ITGAM: variants seen among roughly 807,000 people sequenced by gnomAD.
ITGAM encodes integrin subunit alpha M, also known as integrin alpha-M.
In ITGAM, 79 loss-of-function variants were observed where a neutral mutation model predicts 137.5. The observed-to-expected ratio is 0.57, with a 90% CI of 0.48 to 0.69. The LOEUF (loss-of-function observed/expected upper bound fraction) is 0.69. Ranked by LOEUF, ITGAM falls within the 30% of genes least tolerant of loss-of-function variation. The pLI is 0.00. For missense variants in ITGAM, 1,343 were observed against 1,483.5 expected, an observed-to-expected ratio of 0.91 and a Z score of 1.56; for synonymous variants, 583 against 592.3, an observed-to-expected ratio of 0.98 and a Z score of 0.23.
intron 12 of ITGAM, among the ~76,000 whole-genome samples, chr16:31,284,236 C>G (rs1235141166): frequency 6.6e-6 from 1 of 152,184 alleles, no homozygotes; most frequent in Non-Finnish European, 1.5e-5. Flanking sequence ...CTGGGAGAAC[C>G]ATTACTCTCT....
At position 31,326,938 on chromosome 16, in the gene ITGAM, G is replaced by A. The variant is rs756301112; in HGVS notation, c.2708+3G>A. 6 of 1,608,872 alleles carry A rather than the reference G, an allele frequency of 3.7e-6. No homozygotes were observed. In the South Asian group the frequency reaches 6.6e-5, roughly 18 times the overall value. ...CTCCTCAAGGCCAATGTGACCAGGTGCTCTCTGCTACCAGGCTTCTGCAGG... is the reference window on the plus strand; with the variant it reads ...CTCCTCAAGGCCAATGTGACCAGGTACTCTCTGCTACCAGGCTTCTGCAGG... On this transcript the variant is annotated splice_donor_region_variant and intron_variant, in intron 22 of 29. Coordinates refer to ENST00000544665, the MANE Select transcript of ITGAM (RefSeq NM_000632.4).
At chr16:31,328,314 ATG>A (rs377321047) in intron 23 of ITGAM, 84 bp downstream of exon 23, 784 of 1,012,084 alleles carry the variant, frequency 7.7e-4, no homozygotes, top group South Asian at 1.2e-3. Context: ...GAGTCTGTGC[ATG>A]TGTGTGTGTG....
Position 31,266,155 on chromosome 16 carries a change from GC to G in ITGAM, c.427+10del. On this transcript the variant is annotated intron_variant, in intron 5 of 29. Transcript: ENST00000544665. ...TCCCAGAGGCCCTCCGAGGTGGGTT[GC>G]CTTTGGCAGAGGGAACAGATGCGCA... 1 of 1,595,926 alleles carries G rather than the reference GC, an allele frequency of 6.3e-7. No individual in the cohort carries two copies. Among genetic ancestry groups the G allele is most frequent in the Non-Finnish European group, 8.6e-7 (1 of 1,164,164 alleles).
chr16:31,262,832 AG>A (rs2079720715), intron 2 of ITGAM, among the ~76,000 whole-genome samples: 2 of 152,226 alleles, frequency 1.3e-5, no homozygotes, highest in African/African-American at 2.4e-5. Flanking sequence ...TTCCAGAAGA[AG>A]GGGGCTGGTC....
intron 14 of ITGAM, among the ~76,000 whole-genome samples, chr16:31,304,911 C>G (rs2080250652): frequency 6.6e-6 from 1 of 151,788 alleles, no homozygotes; most frequent in African/African-American, 2.4e-5. Flanking sequence ...CAGATTTGTT[C>G]TTTTTGCTTA....
intron 5 of ITGAM, among the ~76,000 whole-genome samples, chr16:31,268,485 G>A (rs1431219975): frequency 6.6e-6 from 1 of 152,042 alleles, no homozygotes; most frequent in Non-Finnish European, 1.5e-5. Flanking sequence ...AACATAATGA[G>A]ACCCCATCTC....
chr16:31,309,531 T>C (rs908208277), intron 14 of ITGAM, among the ~76,000 whole-genome samples: 12 of 151,356 alleles, frequency 7.9e-5, no homozygotes, highest in Non-Finnish European at 4.4e-5. Context: ...CCCTTTATTT[T>C]GAGCCTATGT....
chr16:31,305,574 T>C (rs183228025), intron 14 of ITGAM, among the ~76,000 whole-genome samples: 1 of 152,324 alleles, frequency 6.6e-6, no homozygotes, highest in Admixed American at 6.5e-5. Flanking sequence ...CCCCCTTCAA[T>C]ATGAAGTTGG....
Position 31,276,577 on chromosome 16 carries a change from C to T in ITGAM, c.1010-94C>T, listed in dbSNP as rs1371624341. On this transcript the variant is annotated intron_variant, in intron 9 of 29. Transcript: ENST00000544665. ...TAACTCCTGACCTCAAGTGATCTGCCCATCTCAGGCTCTCAAAATGTTGGG... is the reference window on the plus strand; with the variant it reads ...TAACTCCTGACCTCAAGTGATCTGCTCATCTCAGGCTCTCAAAATGTTGGG... The T allele has an allele frequency of 7.3e-6, 6 of 823,434 alleles. No homozygotes were observed. In the East Asian group the frequency reaches 1.3e-4, roughly 18 times the overall value. The allele number at this position is 823,434 out of a possible 1,614,324, so 51.0% of individuals were successfully genotyped here. A position where few individuals can be genotyped will look rare whatever the true frequency, so the allele number is the denominator to read the frequency against.
In ITGAM at chr16:31,260,196, G is replaced by A. The variant is rs969252016; in HGVS notation, c.28+104G>A. On this transcript the variant is annotated intron_variant, in intron 1 of 29. Coordinates refer to ENST00000544665, the MANE Select transcript of ITGAM (RefSeq NM_000632.4). ...TATGTAGGAGTCAGTCTGGGGAGAGGCAAAGGGGATTTGGGGAAGGAGAAA... is the reference window on the plus strand; with the variant it reads ...TATGTAGGAGTCAGTCTGGGGAGAGACAAAGGGGATTTGGGGAAGGAGAAA... 4 of 803,902 alleles carry A rather than the reference G, an allele frequency of 5.0e-6. No individual in the cohort carries two copies. In the South Asian group the frequency reaches 5.3e-5, roughly 11 times the overall value. 49.8% of individuals were successfully genotyped at this position (803,902 alleles called of 1,614,324 possible).
intron 14 of ITGAM, among the ~76,000 whole-genome samples, chr16:31,299,127 C>T (rs367609258): frequency 6.6e-6 from 1 of 152,274 alleles, no homozygotes; most frequent in East Asian, 1.9e-4. Flanking sequence ...GACCTATCCT[C>T]TTAACAGATT....
At position 31,325,355 on chromosome 16, in the gene ITGAM, C is replaced by A. The variant is rs1597038885; in HGVS notation, c.2456C>A (p.Thr819Asn). 6.2e-7 allele frequency: 1 copy of A among 1,613,948 alleles called. No homozygotes were observed. Among genetic ancestry groups the A allele is most frequent in the East Asian group, 2.2e-5 (1 of 44,892 alleles). ...DGEDSYRTQVTFFFPLDLSYR... is the reference protein window; with the variant it reads ...DGEDSYRTQVNFFFPLDLSYR... Reference sequence around the variant, plus strand: ...GAGGACTCCTACAGGACACAGGTCACCTTCTTCTTCCCGCTTGACCTGTCC... The same window carrying A: ...GAGGACTCCTACAGGACACAGGTCAACTTCTTCTTCCCGCTTGACCTGTCC... The change falls in exon 20 of 30, where the codon ACC becomes AAC. Residue 819 changes from threonine (T) to asparagine (N), a missense_variant. By Grantham distance (65) the Thr-to-Asn change is moderately conservative. Transcript: ENST00000544665.
At chr16:31,310,582 A>G (rs991008733) in intron 14 of ITGAM, among the ~76,000 whole-genome samples, 10 of 152,074 alleles carry the variant, frequency 6.6e-5, no homozygotes, top group African/African-American at 2.2e-4. Context: ...TGATTATTCT[A>G]GTTATCCATT....
chr16:31,319,896 T>C (rs1235856116), intron 14 of ITGAM, among the ~76,000 whole-genome samples: 1 of 151,976 alleles, frequency 6.6e-6, no homozygotes, highest in Non-Finnish European at 1.5e-5. Flanking sequence ...CACTGCAAGC[T>C]CCGCCTCCCG....
chr16:31,265,987 C>A, intron 4 of ITGAM, 43 bp from the exon 5 acceptor site: 1 of 1,596,566 alleles, frequency 6.3e-7, no homozygotes, highest in South Asian at 1.1e-5. Flanking sequence ...GGTACAAGGA[C>A]AGGAAGCAGG....
chr16:31,273,653 TA>T lies in ITGAM; in HGVS notation c.858+136del, dbSNP rs1483341643. On this transcript the variant is annotated intron_variant, in intron 8 of 29. Transcript: ENST00000544665. Reference sequence around the variant, plus strand: ...GCTAGCTCATATACACCGTATCAGCTATCTGTTGCCACATCAATGCTGTGTA... The same window carrying T: ...GCTAGCTCATATACACCGTATCAGCTTCTGTTGCCACATCAATGCTGTGTA... 5 of 805,640 alleles carry T rather than the reference TA, an allele frequency of 6.2e-6. No individual in the cohort carries two copies. The African/African-American group carries it at 8.6e-5, about 14-fold the overall frequency. The allele number at this position is 805,640 out of a possible 1,614,324, so 49.9% of individuals were successfully genotyped here.
At position 31,331,717 on chromosome 16, in the gene ITGAM, C is replaced by T. The variant is rs2080586862; in HGVS notation, c.*10C>T. Reference sequence around the variant, plus strand: ...GGCCGAACCCCAGTAGCGGCTCCTTCCCGACAGAGCTGCCTCTCGGTGGCC... The same window carrying T: ...GGCCGAACCCCAGTAGCGGCTCCTTTCCGACAGAGCTGCCTCTCGGTGGCC... On this transcript the variant is annotated 3_prime_UTR_variant, in exon 30 of 30. Coordinates refer to ENST00000544665, the MANE Select transcript of ITGAM (RefSeq NM_000632.4). The T allele has an allele frequency of 6.3e-7, 1 of 1,586,708 alleles. No homozygotes were observed. Among genetic ancestry groups the T allele is most frequent in the African/African-American group, 1.3e-5 (1 of 74,370 alleles).
rs538515225 is a variant in ITGAM at position 31,324,491 on chromosome 16, C to T, written c.2095C>T (p.Arg699Cys). The T allele has an allele frequency of 2.4e-4, 389 of 1,597,082 alleles. 1 individual carries two copies. Among genetic ancestry groups the T allele is most frequent in the South Asian group, 5.3e-4 (47 of 88,036 alleles). Reference sequence around the variant, plus strand: ...CTTCAATGAGACAAAGAACAGCACACGCAGACAGACACAGGTCTTGGGGCT... The same window carrying T: ...CTTCAATGAGACAAAGAACAGCACATGCAGACAGACACAGGTCTTGGGGCT... The part of the protein sequence containing the change: ...AVFNETKNST[R>C]RQTQVLGLTQ... The change falls in exon 17 of 30, where the codon CGC becomes TGC. Residue 699 changes from arginine (R) to cysteine (C), a missense_variant. By Grantham distance (180) the Arg-to-Cys change is radical. Coordinates refer to ENST00000544665, the MANE Select transcript of ITGAM (RefSeq NM_000632.4). The surrounding 1 kb of genome is among the most constrained non-coding windows in gnomAD (Gnocchi z 4.5).
At chr16:31,266,175 A>T in intron 5 of ITGAM, 28 bp downstream of exon 5, 3 of 1,496,904 alleles carry the variant, frequency 2.0e-6, no homozygotes, top group Non-Finnish European at 2.8e-6. Flanking sequence ...GAGGGAACAG[A>T]TGCGCAGCAA....
Sources: allele counts gnomAD v4.1 joint callset (sites outside exome capture counted in the v4.1 genomes callset), GRCh38; gene constraint gnomAD v4.1.1; non-coding constraint Gnocchi (gnomAD v3.1); transcripts MANE v1.5; gene names NCBI Gene and HGNC (gene_info 2026-07-23, HGNC 2026-07-21).